KCNK9: variants seen among roughly 807,000 people sequenced by gnomAD.
KCNK9 encodes potassium channel subfamily K member 9.
Under a neutral mutation model 10.8 loss-of-function variants are expected in KCNK9, and 1 was observed. The ratio of observed to expected loss-of-function variants is 0.09; its 90% confidence interval spans 0.03 to 0.44. The LOEUF (loss-of-function observed/expected upper bound fraction) is 0.44. KCNK9 is among the 20% of genes least tolerant of loss of function. KCNK9 has a pLI of 0.97. For synonymous variants in KCNK9, 231 were observed against 222.7 expected (o/e 1.04, Z -0.33); for missense variants, 303 against 515.0 (o/e 0.59, Z 3.98).
chr8:139,609,549 C>T (rs905416408), downstream of KCNK9, among the ~76,000 whole-genome samples: 1 of 152,172 alleles, frequency 6.6e-6, no homozygotes, highest in Non-Finnish European at 1.5e-5. Context: ...CCTCTCTCAC[C>T]AGGAAGGGTG....
intron 1 of KCNK9, among the ~76,000 whole-genome samples, chr8:139,654,292 C>T (rs1815954616): frequency 6.6e-6 from 1 of 152,220 alleles, no homozygotes; most frequent in Admixed American, 6.5e-5. Context: ...TGACCTGCAG[C>T]GTTCAGCCCC....
At position 139,671,792 on chromosome 8, in the gene KCNK9, C is replaced by T. The variant is rs536214556; in HGVS notation, c.283+30918G>A. Among the ~76,000 whole-genome samples, 5 of 152,184 alleles carry T rather than the reference C, an allele frequency of 3.3e-5. No homozygotes were observed. In the East Asian group the frequency reaches 9.7e-4, roughly 29 times the overall value. Reference sequence around the variant, plus strand: ...GCCGAGCTGGTCTTGAACTCCTGACCTCAAGTGATCCACCTGCCTCAGCCT... The same window carrying T: ...GCCGAGCTGGTCTTGAACTCCTGACTTCAAGTGATCCACCTGCCTCAGCCT... On this transcript the variant is annotated intron_variant, in intron 1 of 1. Transcript: ENST00000520439.
chr8:139,666,709 G>A (rs1222839417), intron 1 of KCNK9, among the ~76,000 whole-genome samples: 14 of 152,258 alleles, frequency 9.2e-5, no homozygotes. Flanking sequence ...GTGCTTGGCT[G>A]CATGGAAAGC....
chr8:139,659,400 A>G (rs896233933), intron 1 of KCNK9, among the ~76,000 whole-genome samples: 11 of 152,222 alleles, frequency 7.2e-5, no homozygotes, highest in African/African-American at 2.7e-4. Flanking sequence ...CATTGATTAA[A>G]AATAGAGAAT....
intron 1 of KCNK9, among the ~76,000 whole-genome samples, chr8:139,644,434 A>C (rs571134596): frequency 6.6e-6 from 1 of 152,312 alleles, no homozygotes; most frequent in Non-Finnish European, 1.5e-5. Context: ...CCATTAATGG[A>C]TCACAGCCCA....
At chr8:139,631,402 G>C (rs1445091643) in intron 1 of KCNK9, among the ~76,000 whole-genome samples, 1 of 152,130 alleles carries the variant, frequency 6.6e-6, no homozygotes, top group East Asian at 1.9e-4. Context: ...GCACGGGTGA[G>C]AAAACGCCCC....
At chr8:139,613,695 G>A (rs1814497752), downstream of KCNK9, among the ~76,000 whole-genome samples, 1 of 152,232 alleles carries the variant, frequency 6.6e-6, no homozygotes, top group East Asian at 1.9e-4. Context: ...GGCCCAGGGA[G>A]TGAAATGACT....
intron 2 of KCNK9, among the ~76,000 whole-genome samples, chr8:139,602,524 G>A (rs545512584): frequency 6.2e-4 from 94 of 152,308 alleles, no homozygotes; most frequent in African/African-American, 2.2e-3. Flanking sequence ...CATTTTAGGA[G>A]ATGCTCTGAG....
In KCNK9 at chr8:139,702,427, G is replaced by T. The variant is rs1817248033; in HGVS notation, c.283+283C>A. 6.6e-6 allele frequency among the ~76,000 whole-genome samples: 1 copy of T among 152,110 alleles called. No individual in the cohort carries two copies. The highest frequency in any genetic ancestry group is 1.5e-5 in the Non-Finnish European group (1 of 68,006). On this transcript the variant is annotated intron_variant, in intron 1 of 1. Coordinates refer to ENST00000520439, the MANE Select transcript of KCNK9 (RefSeq NM_001282534.2). The surrounding 1 kb of genome is among the most constrained non-coding windows in gnomAD (Gnocchi z 7.5). ...TTAGCGCTCCACTCTCTTCGCAAAA[G>T]TGGCGCCTCCGCCCTCCCGGCTCAG...
At chr8:139,651,840 C>A (rs1444531435) in intron 1 of KCNK9, among the ~76,000 whole-genome samples, 1 of 152,172 alleles carries the variant, frequency 6.6e-6, no homozygotes. Flanking sequence ...TGGCCCAAGT[C>A]CTTACCTGCT....
intron 1 of KCNK9, among the ~76,000 whole-genome samples, chr8:139,692,734 C>T (rs1816958503): frequency 6.6e-6 from 1 of 152,186 alleles, no homozygotes; most frequent in Non-Finnish European, 1.5e-5. Flanking sequence ...CCCGGATAAG[C>T]TCAGCCTAGG....
At chr8:139,630,393 C>T (rs1180334074) in intron 1 of KCNK9, among the ~76,000 whole-genome samples, 1 of 151,976 alleles carries the variant, frequency 6.6e-6, no homozygotes, top group East Asian at 1.9e-4. Flanking sequence ...TGGGCTCTGC[C>T]GCCGCCGCCG....
At position 139,618,203 on chromosome 8, in the gene KCNK9, G is replaced by A; in HGVS notation, c.*55C>T. 6.2e-7 allele frequency: 1 copy of A among 1,610,016 alleles called. No homozygotes were observed. Among genetic ancestry groups the A allele is most frequent in the Non-Finnish European group, 8.5e-7 (1 of 1,176,502 alleles). ...TAAGAAAAGACGAGTTGGACCAATGGAAATTAACACCAACTATGACAAATG... is the reference window on the plus strand; with the variant it reads ...TAAGAAAAGACGAGTTGGACCAATGAAAATTAACACCAACTATGACAAATG... On this transcript the variant is annotated 3_prime_UTR_variant, in exon 2 of 2. Transcript: ENST00000520439. This position sits in a 1 kb window ranked among gnomAD's most constrained non-coding sequence, Gnocchi z 7.9.
chr8:139,671,113 C>G (rs1042433403), intron 1 of KCNK9, among the ~76,000 whole-genome samples: 1 of 152,238 alleles, frequency 6.6e-6, no homozygotes, highest in Non-Finnish European at 1.5e-5. Context: ...CAGAAGGAAG[C>G]GTAACCACAA....
At chr8:139,607,857 G>A (rs907637558), downstream of KCNK9, among the ~76,000 whole-genome samples, 3 of 152,208 alleles carry the variant, frequency 2.0e-5, no homozygotes, top group Non-Finnish European at 4.4e-5. Flanking sequence ...CTACCTGGAA[G>A]ACACCTGCCT....
chr8:139,698,995 C>T (rs541449169), intron 1 of KCNK9, among the ~76,000 whole-genome samples: 1 of 152,146 alleles, frequency 6.6e-6, no homozygotes, highest in Non-Finnish European at 1.5e-5. Context: ...AGCTGGGCCC[C>T]GAGGTTCTGG....
intron 1 of KCNK9, among the ~76,000 whole-genome samples, chr8:139,645,542 A>T (rs560904116): frequency 1.3e-5 from 2 of 152,306 alleles, no homozygotes; most frequent in South Asian, 4.1e-4. Flanking sequence ...GGCTGCAGAA[A>T]GGTCTACAAG....
chr8:139,605,184 C>G (rs1212767623), intron 2 of KCNK9, among the ~76,000 whole-genome samples: 1 of 152,210 alleles, frequency 6.6e-6, no homozygotes, highest in African/African-American at 2.4e-5. Context: ...TGGAAAAGGG[C>G]AGCATGGTTT....
chr8:139,646,958 G>A (rs567864385), intron 1 of KCNK9, among the ~76,000 whole-genome samples: 32 of 152,320 alleles, frequency 2.1e-4, no homozygotes, highest in African/African-American at 6.7e-4. Context: ...AACACTGGCC[G>A]CCAGCCCAAA....
Sources: allele counts gnomAD v4.1 joint callset (sites outside exome capture counted in the v4.1 genomes callset), GRCh38; gene constraint gnomAD v4.1.1; non-coding constraint Gnocchi (gnomAD v3.1); transcripts MANE v1.5; gene names NCBI Gene and HGNC (gene_info 2026-07-23, HGNC 2026-07-21).